NRXN3: variants seen among roughly 807,000 people sequenced by gnomAD.
NRXN3 encodes neurexin 3.
NRXN3 carries 32 observed loss-of-function variants against 137.6 expected under a neutral mutation model. The ratio of observed to expected loss-of-function variants is 0.23; its 90% confidence interval spans 0.18 to 0.31. The LOEUF (loss-of-function observed/expected upper bound fraction) is 0.31. Among genes scored for constraint, NRXN3 ranks in the 10% least tolerant of loss-of-function variants. The probability of loss-of-function intolerance (pLI) is 1.00; values close to 1 mark genes in which losing one functional copy is unlikely to be tolerated. For synonymous variants in NRXN3, 798 were observed against 784.5 expected (o/e 1.02, Z -0.29); for missense variants, 1,574 against 2,062.5 (o/e 0.76, Z 4.59).
At chr14:79,113,776 A>G (rs974722888) in intron 15 of NRXN3, among the ~76,000 whole-genome samples, 6 of 152,156 alleles carry the variant, frequency 3.9e-5, no homozygotes, top group Non-Finnish European at 5.9e-5. Flanking sequence ...CTCTTAATCA[A>G]TGGTTCTGAA....
At chr14:79,358,001 A>G (rs979627872) in intron 15 of NRXN3, among the ~76,000 whole-genome samples, 1 of 152,152 alleles carries the variant, frequency 6.6e-6, no homozygotes. Flanking sequence ...TGGGCTTTCA[A>G]GTTAGTTTGC....
intron 6 of NRXN3, among the ~76,000 whole-genome samples, chr14:78,659,464 A>G (rs1602020728): frequency 6.6e-6 from 1 of 152,188 alleles, no homozygotes; most frequent in African/African-American, 2.4e-5. Context: ...GGATTGCTTG[A>G]GTCCAGGAGT....
At chr14:78,361,782 C>G (rs1226808588) in intron 4 of NRXN3, among the ~76,000 whole-genome samples, 1 of 152,184 alleles carries the variant, frequency 6.6e-6, no homozygotes, top group African/African-American at 2.4e-5. Context: ...TTTGGTACAG[C>G]TCTCACCTCG....
At chr14:78,608,901 A>G (rs1316547159) in intron 4 of NRXN3, among the ~76,000 whole-genome samples, 1 of 152,174 alleles carries the variant, frequency 6.6e-6, no homozygotes, top group Non-Finnish European at 1.5e-5. Context: ...AAGTGTGAGT[A>G]GGACACAGAT....
chr14:78,749,911 G>A (rs1013645076), intron 8 of NRXN3, among the ~76,000 whole-genome samples: 5 of 152,188 alleles, frequency 3.3e-5, no homozygotes, highest in African/African-American at 1.2e-4. Flanking sequence ...GTCTCATCAA[G>A]AAAATCCCCT....
At chr14:78,562,289 C>T (rs1203633923) in intron 4 of NRXN3, among the ~76,000 whole-genome samples, 1 of 149,630 alleles carries the variant, frequency 6.7e-6, no homozygotes, top group Non-Finnish European at 1.5e-5. Flanking sequence ...CCCGGCTACT[C>T]AGGAGGCTGA....
chr14:78,980,108 T>TAG (rs1210339931), intron 14 of NRXN3, among the ~76,000 whole-genome samples: 2 of 152,246 alleles, frequency 1.3e-5, no homozygotes, highest in Non-Finnish European at 2.9e-5. Flanking sequence ...GTTACACCGA[T>TAG]AGAGTCTAAG....
intron 17 of NRXN3, among the ~76,000 whole-genome samples, chr14:79,670,019 T>C (rs1451338851): frequency 6.6e-6 from 1 of 152,052 alleles, no homozygotes; most frequent in Non-Finnish European, 1.5e-5. Context: ...TATGTTGCTA[T>C]TGAGCAGTGT....
intron 20 of NRXN3, among the ~76,000 whole-genome samples, chr14:79,845,896 AAGAC>A (rs1276803611): frequency 1.1e-5 from 1 of 93,498 alleles, no homozygotes; most frequent in Non-Finnish European, 2.2e-5. Context: ...GATGGAGAGA[AAGAC>A]AGAGAGAGAG....
intron 15 of NRXN3, among the ~76,000 whole-genome samples, chr14:79,044,419 A>G (rs1479862377): frequency 1.3e-5 from 2 of 152,194 alleles, no homozygotes; most frequent in Non-Finnish European, 2.9e-5. Flanking sequence ...TTAGACCTTT[A>G]CAGTCTTAAG....
intron 15 of NRXN3, among the ~76,000 whole-genome samples, chr14:79,409,215 G>A (rs1445440767): frequency 1.3e-5 from 2 of 151,930 alleles, no homozygotes; most frequent in South Asian, 2.1e-4. Context: ...GGAGCTCAGG[G>A]TAGCATGTGA....
At chr14:78,702,260 T>C (rs2098288971) in intron 6 of NRXN3, among the ~76,000 whole-genome samples, 1 of 150,388 alleles carries the variant, frequency 6.6e-6, no homozygotes, top group Admixed American at 6.7e-5. Flanking sequence ...AATTTATAAA[T>C]AAGTATATGT....
chr14:79,207,175 A>G (rs2153223510), intron 15 of NRXN3, among the ~76,000 whole-genome samples: 1 of 152,244 alleles, frequency 6.6e-6, no homozygotes, highest in Middle Eastern at 3.4e-3. Context: ...CATTTCTGTC[A>G]GTTCCTTGGG....
At chr14:78,433,557 T>C (rs2093963744) in intron 4 of NRXN3, among the ~76,000 whole-genome samples, 1 of 152,194 alleles carries the variant, frequency 6.6e-6, no homozygotes, top group Non-Finnish European at 1.5e-5. Flanking sequence ...GGCTGTACCC[T>C]ATGAATGGAT....
intron 15 of NRXN3, among the ~76,000 whole-genome samples, chr14:79,427,257 T>C (rs931906087): frequency 2.6e-5 from 4 of 152,316 alleles, no homozygotes; most frequent in Middle Eastern, 3.4e-3. Flanking sequence ...GTGTACCAGA[T>C]GAAAAGCAGA....
chr14:78,391,285 G>A (rs1336081847), intron 4 of NRXN3, among the ~76,000 whole-genome samples: 2 of 152,150 alleles, frequency 1.3e-5, no homozygotes, highest in East Asian at 3.8e-4. Context: ...GGAGTAGGAG[G>A]TATGAGCTCA....
chr14:79,282,968 C>A (rs924181693), intron 15 of NRXN3, among the ~76,000 whole-genome samples: 2 of 152,178 alleles, frequency 1.3e-5, no homozygotes, highest in African/African-American at 4.8e-5. Flanking sequence ...CCATCCTGCA[C>A]CCAAGCTGTG....
chr14:79,168,249 T>A (rs1394682609), intron 15 of NRXN3, among the ~76,000 whole-genome samples: 1 of 152,024 alleles, frequency 6.6e-6, no homozygotes, highest in Non-Finnish European at 1.5e-5. Flanking sequence ...GCACAAAGGC[T>A]CTTCTAGTAC....
intron 19 of NRXN3, among the ~76,000 whole-genome samples, chr14:79,719,064 G>A (rs1179926781): frequency 6.6e-6 from 1 of 152,080 alleles, no homozygotes; most frequent in South Asian, 2.1e-4. Flanking sequence ...GACCAGTCAT[G>A]AGTTTCTTTG....
Sources: allele counts gnomAD v4.1 joint callset (sites outside exome capture counted in the v4.1 genomes callset), GRCh38; gene constraint gnomAD v4.1.1; transcripts MANE v1.5; gene names NCBI Gene and HGNC (gene_info 2026-07-23, HGNC 2026-07-21).